The following MYO5A variants were observed in gnomAD, a reference collection of about 807,000 sequenced individuals.
The protein encoded by MYO5A is unconventional myosin-Va.
Under a neutral mutation model 249.7 loss-of-function variants are expected in MYO5A, and 98 were observed. The observed-to-expected ratio is 0.39, with a 90% CI of 0.33 to 0.46. The LOEUF is 0.46. Among genes scored for constraint, MYO5A ranks in the 20% least tolerant of loss-of-function variants. The probability of loss-of-function intolerance (pLI) is 0.98; values close to 1 mark genes in which losing one functional copy is unlikely to be tolerated. For missense variants in MYO5A, 1,696 were observed against 2,308.8 expected (o/e 0.73, Z 5.44); for synonymous variants, 778 against 810.6 (o/e 0.96, Z 0.68).
intron 23 of MYO5A, among the ~76,000 whole-genome samples, chr15:52,366,816 C>T (rs1473493166): frequency 1.3e-5 from 2 of 151,982 alleles, no homozygotes; most frequent in Non-Finnish European, 2.9e-5. Flanking sequence ...ACATTTGTAC[C>T]TAGAGATACC....
At chr15:52,317,271 A>C (rs1178192257) in intron 39 of MYO5A, 49 bp from the exon 40 acceptor site, 1 of 1,581,724 alleles carries the variant, frequency 6.3e-7, no homozygotes, top group South Asian at 1.1e-5. Context: ...GAATTTTGTC[A>C]AAAATGTCTT....
At chr15:52,360,138 T>A in intron 24 of MYO5A, 57 bp from the exon 25 acceptor site, 1 of 1,158,246 alleles carries the variant, frequency 8.6e-7, no homozygotes, top group Non-Finnish European at 1.3e-6. Flanking sequence ...TAGGCATAGT[T>A]AAGACAGCAT....
intron 28 of MYO5A, 145 bp downstream of exon 28, chr15:52,351,109 T>C (rs1005633247): frequency 1.3e-6 from 1 of 763,430 alleles, no homozygotes; most frequent in Non-Finnish European, 2.3e-6. Context: ...TAAACAACAC[T>C]GGGATTTTTT....
intron 1 of MYO5A, among the ~76,000 whole-genome samples, chr15:52,446,677 A>G (rs536261860): frequency 2.0e-5 from 3 of 152,334 alleles, no homozygotes; most frequent in Non-Finnish European, 4.4e-5. Context: ...TCCAACCCAT[A>G]AGAACAGCCC....
chr15:52,321,320 A>T, intron 38 of MYO5A, 39 bp downstream of exon 38: 1 of 1,613,650 alleles, frequency 6.2e-7, no homozygotes, highest in Non-Finnish European at 8.5e-7. Flanking sequence ...GGCATGAATG[A>T]TAGGCAGGCT....
intron 1 of MYO5A, among the ~76,000 whole-genome samples, chr15:52,473,826 G>A (rs2076531788): frequency 1.3e-5 from 2 of 152,220 alleles, no homozygotes; most frequent in African/African-American, 4.8e-5. Context: ...CAGGTAGTGT[G>A]ATGCCTCCAG....
At chr15:52,521,177 G>C (rs1037799982) in intron 1 of MYO5A, among the ~76,000 whole-genome samples, 1 of 150,842 alleles carries the variant, frequency 6.6e-6, no homozygotes, top group African/African-American at 2.5e-5. Context: ...GCAGTGAGCT[G>C]AGATCACGCC....
intron 1 of MYO5A, 103 bp from the exon 2 acceptor site, chr15:52,433,388 G>T: frequency 7.9e-5 from 27 of 339,698 alleles, no homozygotes; most frequent in Non-Finnish European, 1.3e-4. Context: ...TATGAAAAAA[G>T]AAATCTTGGC....
intron 4 of MYO5A, among the ~76,000 whole-genome samples, chr15:52,418,979 C>A (rs1376415702): frequency 1.3e-5 from 2 of 152,150 alleles, no homozygotes; most frequent in African/African-American, 4.8e-5. Context: ...TCATATCTTC[C>A]AAGATCATCA....
intron 36 of MYO5A, among the ~76,000 whole-genome samples, chr15:52,326,968 G>T (rs978358999): frequency 6.6e-6 from 1 of 152,332 alleles, no homozygotes; most frequent in East Asian, 1.9e-4. Context: ...CTACTGAGTT[G>T]TGTAGGCTTT....
intron 1 of MYO5A, among the ~76,000 whole-genome samples, chr15:52,449,823 G>C (rs1314985134): frequency 1.3e-5 from 2 of 152,036 alleles, no homozygotes; most frequent in Non-Finnish European, 2.9e-5. Flanking sequence ...AACACAGTGA[G>C]ACCTCACCTC....
At chr15:52,426,616 C>A (rs2075400523) in intron 3 of MYO5A, among the ~76,000 whole-genome samples, 1 of 152,096 alleles carries the variant, frequency 6.6e-6, no homozygotes. Context: ...ACACGCAACA[C>A]CATGCCTGGC....
intron 1 of MYO5A, among the ~76,000 whole-genome samples, chr15:52,501,890 C>CACACAG (rs1555386201): frequency 1.9e-4 from 28 of 151,348 alleles, no homozygotes; most frequent in East Asian, 1.2e-3. Context: ...CACACACACA[C>CACACAG]ACACACACAC....
Position 52,367,141 on chromosome 15 carries a change from T to C in MYO5A, c.3067-17A>G, listed in dbSNP as rs760934490. ...TGATACCAGCTACGAAATGAAACAA[T>C]AAACTGAGATGGTTGCAATGGACAG... is the stretch of plus-strand genomic sequence containing the variant. On this transcript the variant is annotated splice_polypyrimidine_tract_variant and intron_variant, in intron 22 of 41. Transcript: ENST00000399233. The C allele has an allele frequency of 6.2e-6, 10 of 1,601,842 alleles. No individual in the cohort carries two copies. In the East Asian group the frequency reaches 8.9e-5, roughly 14 times the overall value.
intron 1 of MYO5A, among the ~76,000 whole-genome samples, chr15:52,474,558 A>G (rs2076549040): frequency 6.6e-6 from 1 of 152,112 alleles, no homozygotes; most frequent in African/African-American, 2.4e-5. Context: ...TTTGAGATAC[A>G]TCCCATCAAT....
chr15:52,347,319 A>G (rs928228555), intron 29 of MYO5A, among the ~76,000 whole-genome samples: 3 of 152,176 alleles, frequency 2.0e-5, no homozygotes, highest in Non-Finnish European at 4.4e-5. Context: ...TATTCAGTAC[A>G]TGTATCCCAA....
chr15:52,366,989 G>T, intron 23 of MYO5A, 42 bp downstream of exon 23: 2 of 1,418,810 alleles, frequency 1.4e-6, no homozygotes, highest in South Asian at 2.3e-5. Context: ...ACATAACTTT[G>T]GTGTGAGGTT....
chr15:52,454,113 A>G (rs2076072344), intron 1 of MYO5A, among the ~76,000 whole-genome samples: 1 of 152,128 alleles, frequency 6.6e-6, no homozygotes, highest in South Asian at 2.1e-4. Flanking sequence ...TGTTGTCCCT[A>G]GGAAACCCAT....
intron 12 of MYO5A, among the ~76,000 whole-genome samples, chr15:52,390,888 G>A (rs568248707): frequency 5.3e-5 from 8 of 152,134 alleles, no homozygotes; most frequent in Admixed American, 2.0e-4. Context: ...AGGCATGTAT[G>A]TGAATAGGAT....
Sources: allele counts gnomAD v4.1 joint callset (sites outside exome capture counted in the v4.1 genomes callset), GRCh38; gene constraint gnomAD v4.1.1; transcripts MANE v1.5; gene names NCBI Gene and HGNC (gene_info 2026-07-23, HGNC 2026-07-21).